Variants in MSL2 observed in about 807,000 individuals in gnomAD.
The protein encoded by MSL2 is E3 ubiquitin-protein ligase MSL2.
MSL2 carries 2 observed loss-of-function variants against 35.8 expected under a neutral mutation model. That is an observed-to-expected ratio of 0.06 (90% CI 0.02 to 0.18). The LOEUF (loss-of-function observed/expected upper bound fraction) is 0.18. Ranked by LOEUF, MSL2 falls within the 10% of genes least tolerant of loss-of-function variation. The pLI is 1.00. For missense variants in MSL2, 523 were observed against 706.7 expected (o/e 0.74, Z 2.95); for synonymous variants, 296 against 255.7 (o/e 1.16, Z -1.50).
intron 1 of MSL2, among the ~76,000 whole-genome samples, chr3:136,161,232 G>T (rs762332243): frequency 6.6e-6 from 1 of 152,206 alleles, no homozygotes; most frequent in Non-Finnish European, 1.5e-5. Context: ...AAGATGTGAA[G>T]AAACTGGAAC....
chr3:136,152,452 T>C lies in MSL2; in HGVS notation c.429A>G (p.Thr143=), dbSNP rs1257383308. ...LNDGSLFCEE[T]EKPSDSSFTL... ...TAAAGGATGAATCTGAGGGTTTTTC[T>C]GTCTCCTCACAAAACAATGATCCAT... The change falls in exon 2 of 2, where the codon ACA becomes ACG. Residue 143 remains threonine (T), a synonymous_variant. Coordinates refer to ENST00000309993, the MANE Select transcript of MSL2 (RefSeq NM_018133.4). 25 of 1,614,250 alleles carry C rather than the reference T, an allele frequency of 1.5e-5. No homozygotes were observed. Among genetic ancestry groups the C allele is most frequent in the Non-Finnish European group, 1.9e-5 (23 of 1,180,038 alleles).
At chr3:136,191,467 CAAAAAAAA>C (rs11293553) in intron 1 of MSL2, among the ~76,000 whole-genome samples, 1 of 123,064 alleles carries the variant, frequency 8.1e-6, no homozygotes, top group African/African-American at 3.1e-5. Flanking sequence ...GAATCCGTCT[CAAAAAAAA>C]AAAAAAAAAA....
At chr3:136,170,642 G>C (rs1268967090) in intron 1 of MSL2, among the ~76,000 whole-genome samples, 1 of 150,132 alleles carries the variant, frequency 6.7e-6, no homozygotes, top group Non-Finnish European at 1.5e-5. Flanking sequence ...CCGAGTAGCT[G>C]GGACTACAGG....
intron 1 of MSL2, among the ~76,000 whole-genome samples, chr3:136,182,206 T>C (rs1474593537): frequency 6.6e-6 from 1 of 152,162 alleles, no homozygotes; most frequent in East Asian, 1.9e-4. Flanking sequence ...ATTTACAATG[T>C]TGTTAAGGAT....
intron 1 of MSL2, among the ~76,000 whole-genome samples, chr3:136,177,805 G>A (rs1007876716): frequency 7.2e-5 from 11 of 151,860 alleles, no homozygotes; most frequent in African/African-American, 2.2e-4. Context: ...TGAGAGACCA[G>A]TGATAGCTAA....
chr3:136,177,760 C>G (rs1940223305), intron 1 of MSL2, among the ~76,000 whole-genome samples: 1 of 149,484 alleles, frequency 6.7e-6, no homozygotes, highest in Non-Finnish European at 1.5e-5. Context: ...TTAACGTTCA[C>G]TATAGCACTT....
intron 1 of MSL2, among the ~76,000 whole-genome samples, chr3:136,155,038 T>C (rs1390957390): frequency 6.6e-6 from 1 of 151,972 alleles, no homozygotes; most frequent in Non-Finnish European, 1.5e-5. Context: ...TGAAACTCCA[T>C]CTCTACTAAA....
At chr3:136,182,213 G>A (rs1016601266) in intron 1 of MSL2, among the ~76,000 whole-genome samples, 1 of 152,086 alleles carries the variant, frequency 6.6e-6, no homozygotes, top group African/African-American at 2.4e-5. Flanking sequence ...ATGTTGTTAA[G>A]GATAACAGAA....
chr3:136,158,204 CAGG>C (rs1939587314), intron 1 of MSL2, among the ~76,000 whole-genome samples: 1 of 151,910 alleles, frequency 6.6e-6, no homozygotes, highest in Admixed American at 6.6e-5. Context: ...CCCAGCTACT[CAGG>C]AGGCTGAGGC....
At chr3:136,153,808 T>C (rs1457054188) in intron 1 of MSL2, among the ~76,000 whole-genome samples, 5 of 131,616 alleles carry the variant, frequency 3.8e-5, no homozygotes, top group East Asian at 2.3e-4. Context: ...AAAGGCCAGG[T>C]GTGGTGGCTC....
At chr3:136,184,821 A>T (rs1940471299) in intron 1 of MSL2, among the ~76,000 whole-genome samples, 1 of 151,976 alleles carries the variant, frequency 6.6e-6, no homozygotes, top group Admixed American at 6.6e-5. Flanking sequence ...ACCACCAAAG[A>T]AAAAAGCCAA....
intron 1 of MSL2, among the ~76,000 whole-genome samples, chr3:136,169,136 C>A (rs567759833): frequency 5.8e-4 from 83 of 142,240 alleles, no homozygotes; most frequent in African/African-American, 2.0e-3. Context: ...AGAAAATCTT[C>A]CACTATTTTG....
Position 136,150,158 on chromosome 3 carries a change from T to TA in MSL2, c.*988dup, listed in dbSNP as rs1220994918. 1 of 152,508 alleles carries TA rather than the reference T, an allele frequency of 6.6e-6. No homozygotes were observed. The highest frequency in any genetic ancestry group is 1.5e-5 in the Non-Finnish European group (1 of 68,012). The allele number at this position is 152,508 out of a possible 1,614,324, so 9.4% of individuals were successfully genotyped here. ...AAAAGGCATTCTTATTAGGCCTCTA[T>TA]AAAGAAGCCTTCATAATGAACAGCA... On this transcript the variant is annotated 3_prime_UTR_variant, in exon 2 of 2. Coordinates refer to ENST00000309993, the MANE Select transcript of MSL2 (RefSeq NM_018133.4).
intron 1 of MSL2, among the ~76,000 whole-genome samples, chr3:136,160,262 A>G (rs1269899174): frequency 7.4e-6 from 1 of 135,402 alleles, no homozygotes. Flanking sequence ...GGCGACAGAG[A>G]AAGACTCTGT....
intron 1 of MSL2, chr3:136,155,834 A>G (rs1939503352): frequency 1.7e-6 from 1 of 577,998 alleles, no homozygotes; most frequent in Non-Finnish European, 3.5e-6. Context: ...TTCTATGTGT[A>G]AATGCTGGCA....
chr3:136,179,930 G>C (rs1018796552), intron 1 of MSL2, among the ~76,000 whole-genome samples: 3 of 152,136 alleles, frequency 2.0e-5, no homozygotes, highest in Non-Finnish European at 4.4e-5. Context: ...GCCAGGCGTG[G>C]TGGCGGGGGC....
intron 1 of MSL2, among the ~76,000 whole-genome samples, chr3:136,188,319 A>C (rs1219910958): frequency 6.6e-6 from 1 of 151,954 alleles, no homozygotes; most frequent in Non-Finnish European, 1.5e-5. Flanking sequence ...CTATAGTCCC[A>C]GTTACTCAGG....
chr3:136,191,778 A>G (rs1940697395), intron 1 of MSL2, among the ~76,000 whole-genome samples: 1 of 152,214 alleles, frequency 6.6e-6, no homozygotes, highest in East Asian at 1.9e-4. Context: ...GTTTCAATAA[A>G]AAGTTTTTTC....
intron 1 of MSL2, among the ~76,000 whole-genome samples, chr3:136,160,425 T>TA (rs541511094): frequency 0.023 from 2,316 of 98,786 alleles, 59 homozygotes; most frequent in African/African-American, 0.068. Context: ...AAATCACAAT[T>TA]AAAAAAAAAA....
Sources: gnomAD v4.1 joint callset for allele counts (sites outside exome capture counted in the v4.1 genomes callset) on GRCh38, gnomAD v4.1.1 for gene constraint, MANE v1.5 for transcripts, NCBI Gene and HGNC (gene_info 2026-07-23, HGNC 2026-07-21) for gene names.